Variants in CSMD1 observed in about 807,000 individuals in gnomAD.
CSMD1 encodes the protein CUB and Sushi multiple domains 1, also known as CUB and sushi domain-containing protein 1.
Under a neutral mutation model 417.5 loss-of-function variants are expected in CSMD1, and 213 were observed. That is an observed-to-expected ratio of 0.51 (90% CI 0.46 to 0.57). CSMD1 has a LOEUF of 0.57. Among genes scored for constraint, CSMD1 ranks in the 20% least tolerant of loss-of-function variants. The pLI, the probability that CSMD1 is intolerant of heterozygous loss-of-function variation, is 0.00. For missense variants in CSMD1, 6,923 were observed against 4,529.7 expected (o/e 1.53, Z -15.17); for synonymous variants, 2,862 against 1,736.8 (o/e 1.65, Z -16.11).
intron 16 of CSMD1, 27 bp downstream of exon 16, chr8:3,399,364 C>T: frequency 6.3e-7 from 1 of 1,578,334 alleles, no homozygotes; most frequent in Non-Finnish European, 8.6e-7. Flanking sequence ...ACCATTGGGT[C>T]CAAATGAAGA....
chr8:4,057,088 C>G (rs1326141760), intron 3 of CSMD1, among the ~76,000 whole-genome samples: 2 of 152,134 alleles, frequency 1.3e-5, no homozygotes, highest in African/African-American at 2.4e-5. Context: ...ATTTGTAGTT[C>G]TAGATCCCTG....
chr8:4,361,665 C>A (rs966789804), intron 3 of CSMD1, among the ~76,000 whole-genome samples: 2 of 152,030 alleles, frequency 1.3e-5, no homozygotes, highest in Non-Finnish European at 2.9e-5. Context: ...AGTTTCCTAT[C>A]AGCAGCCAGG....
chr8:3,312,211 A>G (rs762171962), intron 23 of CSMD1, among the ~76,000 whole-genome samples: 2 of 152,198 alleles, frequency 1.3e-5, no homozygotes, highest in African/African-American at 4.8e-5. Context: ...CAATCATTCA[A>G]TATCAAAAGT....
chr8:3,921,988 G>C (rs905989229), intron 5 of CSMD1, among the ~76,000 whole-genome samples: 2 of 152,064 alleles, frequency 1.3e-5, no homozygotes, highest in Admixed American at 6.6e-5. Flanking sequence ...GTGCATTAAA[G>C]TTCCATACTG....
chr8:4,889,537 G>T (rs756143148), intron 1 of CSMD1, among the ~76,000 whole-genome samples: 20 of 151,966 alleles, frequency 1.3e-4, no homozygotes, highest in Non-Finnish European at 2.5e-4. Flanking sequence ...TGTATGAAAG[G>T]TAGACAACAA....
chr8:4,109,694 G>A (rs144120962), intron 3 of CSMD1, among the ~76,000 whole-genome samples: 14 of 152,210 alleles, frequency 9.2e-5, no homozygotes, highest in East Asian at 1.9e-4. Flanking sequence ...AAGATACTCC[G>A]AGGCATATGA....
intron 1 of CSMD1, among the ~76,000 whole-genome samples, chr8:4,734,009 A>G (rs1304362372): frequency 6.6e-6 from 1 of 152,210 alleles, no homozygotes; most frequent in Non-Finnish European, 1.5e-5. Flanking sequence ...TCAAAGAAAG[A>G]AGTCCTTCTT....
At chr8:3,552,247 A>T (rs1266585260) in intron 10 of CSMD1, among the ~76,000 whole-genome samples, 1 of 152,212 alleles carries the variant, frequency 6.6e-6, no homozygotes, top group East Asian at 1.9e-4. Flanking sequence ...ATTACAAAAA[A>T]GTGTATCGAC....
At chr8:3,394,244 T>C (rs893692831) in intron 17 of CSMD1, among the ~76,000 whole-genome samples, 10 of 147,002 alleles carry the variant, frequency 6.8e-5, no homozygotes, top group South Asian at 2.1e-4. Context: ...TAAATTATTA[T>C]ATTATAGTAT....
At chr8:3,281,701 C>A (rs765327398) in intron 26 of CSMD1, among the ~76,000 whole-genome samples, 5 of 152,132 alleles carry the variant, frequency 3.3e-5, no homozygotes, top group Non-Finnish European at 7.3e-5. Flanking sequence ...AGGCAGAACA[C>A]AGGGAATTGT....
At chr8:4,532,276 G>T (rs543581512) in intron 2 of CSMD1, among the ~76,000 whole-genome samples, 3 of 140,600 alleles carry the variant, frequency 2.1e-5, no homozygotes, top group Non-Finnish European at 3.0e-5. Context: ...CTCCAGAAAA[G>T]AAATCCTGCA....
chr8:4,578,206 G>T (rs1019278296), intron 2 of CSMD1, among the ~76,000 whole-genome samples: 1 of 151,942 alleles, frequency 6.6e-6, no homozygotes, highest in Non-Finnish European at 1.5e-5. Context: ...TGTTGCCCAC[G>T]CTGGAGTGCA....
intron 37 of CSMD1, among the ~76,000 whole-genome samples, chr8:3,170,238 C>G (rs1193859996): frequency 1.3e-5 from 2 of 152,152 alleles, no homozygotes; most frequent in Non-Finnish European, 2.9e-5. Context: ...GACGGAGTCT[C>G]GCTCTGTGGC....
chr8:3,306,420 C>G (rs904652683), intron 25 of CSMD1, among the ~76,000 whole-genome samples: 3 of 152,152 alleles, frequency 2.0e-5, no homozygotes, highest in Non-Finnish European at 2.9e-5. Flanking sequence ...GTGATCCACC[C>G]ACCTCGGCCT....
At chr8:3,757,256 T>C (rs901230021) in intron 5 of CSMD1, among the ~76,000 whole-genome samples, 4 of 152,166 alleles carry the variant, frequency 2.6e-5, no homozygotes, top group Admixed American at 2.6e-4. Flanking sequence ...CAACAGGATA[T>C]TTCTGTAAAG....
At chr8:3,374,710 G>A (rs767619379) in intron 18 of CSMD1, among the ~76,000 whole-genome samples, 2 of 152,132 alleles carry the variant, frequency 1.3e-5, no homozygotes, top group African/African-American at 2.4e-5. Context: ...CCCCGAGACA[G>A]GCTGTCTGCT....
intron 3 of CSMD1, among the ~76,000 whole-genome samples, chr8:4,183,144 A>T (rs1211387760): frequency 1.3e-5 from 2 of 152,142 alleles, no homozygotes; most frequent in African/African-American, 4.8e-5. Context: ...TTTCATTTTA[A>T]AAGTTAATTA....
At chr8:3,573,753 C>T (rs1800035608) in intron 10 of CSMD1, among the ~76,000 whole-genome samples, 1 of 152,010 alleles carries the variant, frequency 6.6e-6, no homozygotes. Flanking sequence ...ATCACTTAGA[C>T]ACAGAACTGT....
At chr8:4,088,989 G>C (rs558183462) in intron 3 of CSMD1, among the ~76,000 whole-genome samples, 4 of 147,300 alleles carry the variant, frequency 2.7e-5, no homozygotes, top group African/African-American at 8.2e-5. Context: ...TGCTCCCTTG[G>C]TGCATACAGA....
Sources: gnomAD v4.1 joint callset for allele counts (sites outside exome capture counted in the v4.1 genomes callset) on GRCh38, gnomAD v4.1.1 for gene constraint, MANE v1.5 for transcripts, NCBI Gene and HGNC (gene_info 2026-07-23, HGNC 2026-07-21) for gene names.